IARS1: variants seen among roughly 807,000 people sequenced by gnomAD.
IARS1 encodes the protein isoleucyl-tRNA synthetase 1.
In IARS1, 124 loss-of-function variants were observed where a neutral mutation model predicts 168.2. The observed-to-expected ratio is 0.74, with a 90% CI of 0.64 to 0.86. The LOEUF is 0.86. Among genes scored for constraint, IARS1 ranks in the 40% least tolerant of loss-of-function variants. The probability of loss-of-function intolerance (pLI) is 0.00; values close to 1 mark genes in which losing one functional copy is unlikely to be tolerated. For missense variants in IARS1, 1,452 were observed against 1,515.8 expected (o/e 0.96, Z 0.70); for synonymous variants, 532 against 529.4 (o/e 1.00, Z -0.07).
At chr9:92,262,111 G>A (rs1831614767) in intron 17 of IARS1, among the ~76,000 whole-genome samples, 1 of 151,260 alleles carries the variant, frequency 6.6e-6, no homozygotes, top group Non-Finnish European at 1.5e-5. Flanking sequence ...GAGGCAGACT[G>A]CCTGGGTTCA....
intron 1 of IARS1, chr9:92,292,613 C>T (rs1345313794): frequency 6.4e-6 from 1 of 155,070 alleles, no homozygotes; most frequent in East Asian, 1.9e-4. Flanking sequence ...GCAGGTTAAC[C>T]TTGCACAACA....
intron 31 of IARS1, among the ~76,000 whole-genome samples, chr9:92,225,948 T>A (rs1280915399): frequency 6.6e-6 from 1 of 152,232 alleles, no homozygotes. Flanking sequence ...GCCAGGAATG[T>A]GTGCAACTCT....
Position 92,210,877 on chromosome 9 carries a change from T to A in IARS1, c.3719A>T (p.Asp1240Val). The change falls in exon 34 of 34, where the codon GAC (aspartate) becomes GTC (valine). Residue 1240 changes from aspartate (D) to valine (V), a missense_variant. By Grantham distance (152) the Asp-to-Val change is radical. Transcript: ENST00000443024. Reference sequence around the variant, plus strand: ...CATATTCAAAGTCTTCACGGGGATGTCTTCTGTAATTTCTAGAATGGAAAG... The same window carrying A: ...CATATTCAAAGTCTTCACGGGGATGACTTCTGTAATTTCTAGAATGGAAAG... ...NETQTQEITE[D>V]IPVKTLNMKT... 1 of 1,604,766 alleles carries A rather than the reference T, an allele frequency of 6.2e-7. No individual in the cohort carries two copies. Among genetic ancestry groups the A allele is most frequent in the Non-Finnish European group, 8.5e-7 (1 of 1,171,490 alleles).
intron 25 of IARS1, among the ~76,000 whole-genome samples, chr9:92,247,833 A>G (rs1829447935): frequency 6.6e-6 from 1 of 152,266 alleles, no homozygotes; most frequent in South Asian, 2.1e-4. Flanking sequence ...GTATGATTCC[A>G]CTTATATGAA....
At chr9:92,227,932 G>C (rs1206119729) in intron 31 of IARS1, among the ~76,000 whole-genome samples, 2 of 152,122 alleles carry the variant, frequency 1.3e-5, no homozygotes, top group Admixed American at 6.5e-5. Flanking sequence ...CCCAGACGGG[G>C]TGGCGGCCGG....
intron 4 of IARS1, chr9:92,287,329 CA>C (rs1426356517): frequency 6.5e-6 from 1 of 153,760 alleles, no homozygotes; most frequent in Non-Finnish European, 1.5e-5. Context: ...TGTGATTGGT[CA>C]GAAATAAAAA....
At chr9:92,250,956 T>A in intron 22 of IARS1, 122 bp from the exon 23 acceptor site, 1 of 1,068,892 alleles carries the variant, frequency 9.4e-7, no homozygotes, top group South Asian at 1.5e-5. Context: ...AAAATGAGCA[T>A]GAGGTTACAA....
At chr9:92,286,820 T>C (rs1835539188) in intron 4 of IARS1, among the ~76,000 whole-genome samples, 1 of 152,230 alleles carries the variant, frequency 6.6e-6, no homozygotes, top group Non-Finnish European at 1.5e-5. Flanking sequence ...ATGCACAAAA[T>C]GTTATTTACA....
At chr9:92,289,812 TGTG>T (rs1333471268) in intron 1 of IARS1, among the ~76,000 whole-genome samples, 9 of 152,348 alleles carry the variant, frequency 5.9e-5, no homozygotes, top group Non-Finnish European at 1.3e-4. Context: ...ATCATCTATA[TGTG>T]GCCTATTGCA....
At chr9:92,259,202 G>C (rs555834245) in intron 18 of IARS1, among the ~76,000 whole-genome samples, 1 of 152,152 alleles carries the variant, frequency 6.6e-6, no homozygotes, top group Non-Finnish European at 1.5e-5. Flanking sequence ...TATAAAAGAC[G>C]TATATAATCT....
At chr9:92,244,624 GA>G (rs1477348245) in intron 27 of IARS1, among the ~76,000 whole-genome samples, 1 of 152,142 alleles carries the variant, frequency 6.6e-6, no homozygotes, top group Non-Finnish European at 1.5e-5. Flanking sequence ...ATTTCTACCA[GA>G]TAACTTATCA....
At position 92,230,948 on chromosome 9, in the gene IARS1, C is replaced by G. The variant is rs556167207; in HGVS notation, c.3284-1822G>C. Among the ~76,000 whole-genome samples, 6 of 152,250 alleles carry G rather than the reference C, an allele frequency of 3.9e-5. No homozygotes were observed. In the South Asian group the frequency reaches 1.2e-3, roughly 32 times the overall value. On this transcript the variant is annotated intron_variant, in intron 30 of 33. Coordinates refer to ENST00000443024, the MANE Select transcript of IARS1 (RefSeq NM_002161.6). ...CATTTTCTAACTGGATTTTTCTTTA[C>G]TGTTGAGATTTAAAAGATCTTTACG... is the stretch of plus-strand genomic sequence containing the variant.
intron 7 of IARS1, among the ~76,000 whole-genome samples, chr9:92,279,161 T>TG (rs1834165999): frequency 6.6e-6 from 1 of 152,222 alleles, no homozygotes; most frequent in Non-Finnish European, 1.5e-5. Flanking sequence ...TGAGTATCTA[T>TG]GGGTCATTGT....
At position 92,229,358 on chromosome 9, in the gene IARS1, T is replaced by TACACACACACACAC. The variant is rs113517739; in HGVS notation, c.3284-246_3284-233dup. ...TATAGTGTATATGCAATATATACACTACACACACACACACACACACACACA... is the reference window on the plus strand; with the variant it reads ...TATAGTGTATATGCAATATATACACTACACACACACACACACACACACACACACACACACACACA... On this transcript the variant is annotated intron_variant, in intron 30 of 33. Coordinates refer to ENST00000443024, the MANE Select transcript of IARS1 (RefSeq NM_002161.6). Among the ~76,000 whole-genome samples the TACACACACACACAC allele has an allele frequency of 6.6e-3, 963 of 144,902 alleles. 10 individuals are homozygous for TACACACACACACAC. Among genetic ancestry groups the TACACACACACACAC allele is most frequent in the African/African-American group, 0.024 (922 of 38,748 alleles).
At position 92,229,201 on chromosome 9, in the gene IARS1, G is replaced by C. The variant is rs550331203; in HGVS notation, c.3284-75C>G. On this transcript the variant is annotated intron_variant, in intron 30 of 33. Coordinates refer to ENST00000443024, the MANE Select transcript of IARS1 (RefSeq NM_002161.6). ...GAAAATGTTACATTTGGAGGAAAAG[G>C]GATACAAAGGGGTTCAAGCCCTAAT... 102 of 1,491,146 alleles carry C rather than the reference G, an allele frequency of 6.8e-5. No homozygotes were observed. The Middle Eastern group carries it at 7.0e-4, about 10-fold the overall frequency. The allele number at this position is 1,491,146 out of a possible 1,614,324, so 92.4% of individuals were successfully genotyped here. A position where few individuals can be genotyped will look rare whatever the true frequency, so the allele number is the denominator to read the frequency against.
chr9:92,250,137 C>A, intron 24 of IARS1, 50 bp downstream of exon 24: 2 of 1,217,868 alleles, frequency 1.6e-6, no homozygotes, highest in South Asian at 2.4e-5. Context: ...ATTCCAAACA[C>A]TTAATTAATT....
At chr9:92,283,619 C>T (rs546717385) in intron 6 of IARS1, among the ~76,000 whole-genome samples, 1 of 152,076 alleles carries the variant, frequency 6.6e-6, no homozygotes, top group Admixed American at 6.5e-5. Flanking sequence ...TCAGCCTGGG[C>T]ATCAGAGTGA....
At chr9:92,231,242 T>G (rs2133495451) in intron 30 of IARS1, among the ~76,000 whole-genome samples, 1 of 152,324 alleles carries the variant, frequency 6.6e-6, no homozygotes, top group South Asian at 2.1e-4. Flanking sequence ...ATTTATTCCA[T>G]CTGCTGGGAA....
intron 9 of IARS1, among the ~76,000 whole-genome samples, chr9:92,276,737 G>C (rs1368786449): frequency 6.6e-6 from 1 of 152,196 alleles, no homozygotes; most frequent in East Asian, 1.9e-4. Context: ...TTCCACATAA[G>C]GCCAGGTCTG....
Sources: gnomAD v4.1 joint callset for allele counts (sites outside exome capture counted in the v4.1 genomes callset) on GRCh38, gnomAD v4.1.1 for gene constraint, MANE v1.5 for transcripts, NCBI Gene and HGNC (gene_info 2026-07-23, HGNC 2026-07-21) for gene names.